Variants in TCEA3 observed in about 807,000 individuals in gnomAD.
The protein encoded by TCEA3 is transcription elongation factor A protein 3.
A neutral mutation model predicts 44.0 loss-of-function variants in TCEA3; 36 were observed. The ratio of observed to expected loss-of-function variants is 0.82; its 90% CI spans 0.63 to 1.08. TCEA3 has a LOEUF of 1.08. Among genes scored for constraint, TCEA3 ranks in the 50% least tolerant of loss-of-function variants. TCEA3 has a pLI of 0.00. For synonymous variants in TCEA3, 162 were observed against 159.7 expected (o/e 1.01, Z -0.11); for missense variants, 392 against 441.2 (o/e 0.89, Z 1.00).
At chr1:23,422,516 C>T (rs1640094805) in intron 1 of TCEA3, among the ~76,000 whole-genome samples, 2 of 152,144 alleles carry the variant, frequency 1.3e-5, no homozygotes, top group Admixed American at 1.3e-4. Flanking sequence ...GTGGAGGATC[C>T]GTCTTATTAC....
chr1:23,385,276 G>A (rs1285301117), intron 9 of TCEA3, among the ~76,000 whole-genome samples: 1 of 152,200 alleles, frequency 6.6e-6, no homozygotes, highest in Admixed American at 6.5e-5. Flanking sequence ...TCTGTGGTGT[G>A]GGACGAGTTA....
intron 9 of TCEA3, among the ~76,000 whole-genome samples, chr1:23,386,429 C>T (rs1307287491): frequency 3.9e-5 from 6 of 151,980 alleles, no homozygotes; most frequent in Admixed American, 2.0e-4. Flanking sequence ...GCAGAGATGA[C>T]GTTTCACCAC....
chr1:23,408,125 C>T (rs1570271877), intron 5 of TCEA3, among the ~76,000 whole-genome samples: 2 of 152,088 alleles, frequency 1.3e-5, no homozygotes, highest in Non-Finnish European at 2.9e-5. Flanking sequence ...CCATGCCTGG[C>T]TAATTTTTGT....
At chr1:23,405,817 G>A (rs995590141) in intron 5 of TCEA3, among the ~76,000 whole-genome samples, 1 of 152,134 alleles carries the variant, frequency 6.6e-6, no homozygotes, top group African/African-American at 2.4e-5. Context: ...CATGAATGTC[G>A]AGTGTTTTGA....
intron 5 of TCEA3, among the ~76,000 whole-genome samples, chr1:23,406,733 G>A (rs750152065): frequency 2.0e-5 from 3 of 152,158 alleles, no homozygotes; most frequent in South Asian, 4.2e-4. Context: ...GGCAACCTCC[G>A]CCTCCCGGGT....
At position 23,424,555 on chromosome 1, in the gene TCEA3, G is replaced by A. The variant is rs759536197; in HGVS notation, c.69+10C>T. 6.2e-7 allele frequency: 1 copy of A among 1,605,790 alleles called. No individual in the cohort carries two copies. Among genetic ancestry groups the A allele is most frequent in the Non-Finnish European group, 8.5e-7 (1 of 1,178,332 alleles). ...GGGCGGGGGCCGTGGCCCAAACTCT[G>A]CAGCCTCACCGTGTTCTTCCTGGCC... On this transcript the variant is annotated intron_variant, in intron 1 of 10. Coordinates refer to ENST00000450454, the MANE Select transcript of TCEA3 (RefSeq NM_003196.3).
At chr1:23,420,537 C>G (rs1449389486) in intron 1 of TCEA3, among the ~76,000 whole-genome samples, 1 of 152,246 alleles carries the variant, frequency 6.6e-6, no homozygotes, top group Non-Finnish European at 1.5e-5. Context: ...AGCCACCACA[C>G]CCAGTCTACC....
chr1:23,402,455 G>A (rs923420928), intron 5 of TCEA3, among the ~76,000 whole-genome samples: 1 of 152,124 alleles, frequency 6.6e-6, no homozygotes, highest in Admixed American at 6.6e-5. Context: ...CATGGTTTAC[G>A]GAAGGCCTCC....
chr1:23,399,736 C>A (rs1319170595), intron 5 of TCEA3, among the ~76,000 whole-genome samples: 1 of 149,654 alleles, frequency 6.7e-6, no homozygotes, highest in Non-Finnish European at 1.5e-5. Flanking sequence ...AGTGCAGTGG[C>A]ACAATCTTGG....
rs753030544 is a variant in TCEA3, at chr1:23,397,580, A to G, written c.629T>C (p.Val210Ala). 6.2e-7 allele frequency: 1 copy of G among 1,613,646 alleles called. No individual in the cohort carries two copies. The highest frequency in any genetic ancestry group is 8.5e-7 in the Non-Finnish European group (1 of 1,179,844). ...TTCTGATGCCATCTTGTCACAGTTG[A>G]CTCCATAGTCCTTGTAATCATCTAA... ...KADDDYKDYG[V>A]NCDKMASEIE... is the part of the protein sequence containing the mutation. Residue 210 changes from valine (V) to alanine (A), a missense_variant, in exon 7 of 11, where the codon GTC (valine) becomes GCC (alanine). Transcript: ENST00000450454.
chr1:23,382,180 G>T, intron 10 of TCEA3, among the ~76,000 whole-genome samples: 1 of 151,888 alleles, frequency 6.6e-6, no homozygotes, highest in African/African-American at 2.4e-5. Flanking sequence ...CCGAGTAGCT[G>T]GGATTACAGG....
chr1:23,392,663 C>T (rs1639094079), intron 8 of TCEA3, among the ~76,000 whole-genome samples: 1 of 61,178 alleles, frequency 1.6e-5, no homozygotes, highest in Non-Finnish European at 3.8e-5. Context: ...ACATCATACA[C>T]ACCACACACA....
At chr1:23,410,072 T>TC (rs1372038858) in intron 4 of TCEA3, among the ~76,000 whole-genome samples, 1 of 152,034 alleles carries the variant, frequency 6.6e-6, no homozygotes, top group Non-Finnish European at 1.5e-5. Flanking sequence ...CTAGGCTGGC[T>TC]GGAAGTGCTG....
chr1:23,412,212 T>C (rs1639732599), intron 4 of TCEA3: 1 of 152,158 alleles, frequency 6.6e-6, no homozygotes, highest in South Asian at 2.1e-4. Flanking sequence ...TCACGTATAA[T>C]CTTTATAGTT....
Position 23,417,961 on chromosome 1 carries a change from C to T in TCEA3, c.181G>A (p.Asp61Asn). The T allele has an allele frequency of 1.2e-6, 2 of 1,614,072 alleles. No individual in the cohort carries two copies. The highest frequency in any genetic ancestry group is 1.7e-6 in the Non-Finnish European group (2 of 1,179,892). Residue 61 changes from aspartate to asparagine, a missense_variant, in exon 3 of 11, where the codon GAC (aspartate) becomes AAC (asparagine). Physicochemically the swap from Asp to Asn is conservative, Grantham distance 23. Coordinates refer to ENST00000450454, the MANE Select transcript of TCEA3 (RefSeq NM_003196.3). ...AVNGVRKHCS[D>N]KEVVSLAKVL... Reference sequence around the variant, plus strand: ...TTGGCCAAGGACACCACCTCCTTGTCTGAGCAGTGCTTGCGGACCCCATTA... The same window carrying T: ...TTGGCCAAGGACACCACCTCCTTGTTTGAGCAGTGCTTGCGGACCCCATTA...
intron 10 of TCEA3, 79 bp downstream of exon 10, chr1:23,384,267 T>C (rs1638755878): frequency 1.2e-6 from 2 of 1,610,304 alleles, no homozygotes; most frequent in African/African-American, 1.3e-5. Context: ...AGGCCCCTTC[T>C]GGGTTGTGGG....
chr1:23,395,232 C>T (rs1297276586), intron 7 of TCEA3, among the ~76,000 whole-genome samples: 5 of 152,204 alleles, frequency 3.3e-5, no homozygotes, highest in African/African-American at 1.2e-4. Context: ...ACTTGGGATT[C>T]CTGGGGTGTA....
intron 1 of TCEA3, among the ~76,000 whole-genome samples, chr1:23,419,621 G>T (rs1435854914): frequency 6.6e-6 from 1 of 152,178 alleles, no homozygotes; most frequent in African/African-American, 2.4e-5. Context: ...CGGGTCACTT[G>T]AGGCCAGGAG....
At chr1:23,394,272 T>A (rs1335226874) in intron 7 of TCEA3, among the ~76,000 whole-genome samples, 1 of 152,178 alleles carries the variant, frequency 6.6e-6, no homozygotes, top group Non-Finnish European at 1.5e-5. Flanking sequence ...TAGCAAGCAC[T>A]ATAGTGTCAG....
Sources: allele counts gnomAD v4.1 joint callset (sites outside exome capture counted in the v4.1 genomes callset), GRCh38; gene constraint gnomAD v4.1.1; transcripts MANE v1.5; gene names NCBI Gene and HGNC (gene_info 2026-07-23, HGNC 2026-07-21).